Variants in PIK3C2G observed in about 807,000 individuals in gnomAD.
PIK3C2G encodes phosphatidylinositol 3-kinase C2 domain-containing subunit gamma.
PIK3C2G carries 168 observed loss-of-function variants against 181.1 expected under a neutral mutation model. The ratio of observed to expected loss-of-function variants is 0.93; its 90% CI spans 0.82 to 1.05. The LOEUF is 1.05. Among genes scored for constraint, PIK3C2G ranks in the 50% least tolerant of loss-of-function variants. The pLI is 0.00. For missense variants in PIK3C2G, 1,869 were observed against 1,732.8 expected (o/e 1.08, Z -1.40); for synonymous variants, 573 against 592.2 (o/e 0.97, Z 0.47).
chr12:18,350,153 T>G (rs902938447), intron 11 of PIK3C2G, among the ~76,000 whole-genome samples: 2 of 152,128 alleles, frequency 1.3e-5, no homozygotes, highest in Non-Finnish European at 2.9e-5. Context: ...AGGGCCAGCA[T>G]CAGTGAAAGT....
rs1944136297 is a variant in PIK3C2G at position 18,399,757 on chromosome 12, G to A, written c.2225G>A (p.Trp742Ter). The stretch of plus-strand genomic sequence containing the variant: ...TTAGTCCTGGGTAGTGCCCCTGGAT[G>A]GGATGAAAGGACTGTTTCAGAAATG... ...LPLVLGSAPG[W>*]DERTVSEMHT... Residue 742 changes from tryptophan to a stop codon, truncating the protein, a stop_gained, in exon 16 of 33, where the codon TGG (tryptophan) becomes TAG (stop). Transcript: ENST00000538779. LOFTEE classifies it high-confidence loss of function. 6.2e-7 allele frequency: 1 copy of A among 1,606,082 alleles called. No individual in the cohort carries two copies. The highest frequency in any genetic ancestry group is 8.5e-7 in the Non-Finnish European group (1 of 1,174,242).
At chr12:18,265,954 C>T (rs1331143657) in intron 1 of PIK3C2G, among the ~76,000 whole-genome samples, 1 of 132,138 alleles carries the variant, frequency 7.6e-6, no homozygotes, top group Non-Finnish European at 1.5e-5. Context: ...GCAGAGGTTG[C>T]AGTGAGCCGA....
At chr12:18,505,259 T>G in intron 23 of PIK3C2G, 33 bp from the exon 24 acceptor site, 1 of 1,540,260 alleles carries the variant, frequency 6.5e-7, no homozygotes, top group Non-Finnish European at 8.8e-7. Flanking sequence ...TTTTTTGTTG[T>G]TATTTTTGCA....
intron 14 of PIK3C2G, among the ~76,000 whole-genome samples, chr12:18,387,675 C>T (rs192461899): frequency 4.6e-5 from 7 of 152,130 alleles, no homozygotes; most frequent in African/African-American, 1.7e-4. Flanking sequence ...TCTATGTTCA[C>T]GTAATACCCA....
chr12:18,684,286 T>C, the PIK3C2G span: 4 of 1,596,518 alleles, frequency 2.5e-6, no homozygotes, highest in Non-Finnish European at 2.6e-6. Flanking sequence ...AAAGCTGAAA[T>C]ATAAAAAAAG....
rs61315448 is a variant in PIK3C2G, at chr12:18,266,013, T to TAAAAAA, written c.-79+4459_-79+4464dup. On this transcript the variant is annotated intron_variant, in intron 1 of 32. Coordinates refer to ENST00000538779, the MANE Select transcript of PIK3C2G (RefSeq NM_001288772.2). ...TGGGGAACAAGAGCGAGACTTCATC[T>TAAAAAA]AAAAAAAAAAAAAAAAAAAAAAAAA... 2.0e-3 allele frequency among the ~76,000 whole-genome samples: 125 copies of TAAAAAA among 61,752 alleles called. 3 individuals are homozygous for TAAAAAA. Among genetic ancestry groups the TAAAAAA allele is most frequent in the Non-Finnish European group, 2.9e-3 (104 of 35,994 alleles). The allele number at this position is 61,752 out of a possible 152,430, so 40.5% of individuals were successfully genotyped here.
chr12:18,348,127 C>T lies in PIK3C2G; in HGVS notation c.1625+1291C>T, dbSNP rs933941219. On this transcript the variant is annotated intron_variant, in intron 11 of 32. Coordinates refer to ENST00000538779, the MANE Select transcript of PIK3C2G (RefSeq NM_001288772.2). ...AATTCCCATGGAAAATCCCTATAGC[C>T]GGATAAATACAGATAAAGCTATATG... Among the ~76,000 whole-genome samples, 16 of 151,414 alleles carry T rather than the reference C, an allele frequency of 1.1e-4. No individual in the cohort carries two copies. In the East Asian group the frequency reaches 1.6e-3, roughly 15 times the overall value.
chr12:18,312,201 C>A (rs1441286280), intron 5 of PIK3C2G, among the ~76,000 whole-genome samples: 2 of 152,132 alleles, frequency 1.3e-5, no homozygotes, highest in East Asian at 1.9e-4. Context: ...ATCCTCCGAT[C>A]CAATCAAGTT....
intron 31 of PIK3C2G, among the ~76,000 whole-genome samples, chr12:18,625,377 G>A (rs35801168): frequency 0.18 from 27,454 of 151,510 alleles, 2,722 homozygotes; most frequent in African/African-American, 0.27. Flanking sequence ...ATTGTGGTTA[G>A]AAAAGGTACT....
At chr12:18,629,977 A>G (rs1949278506) in intron 31 of PIK3C2G, among the ~76,000 whole-genome samples, 1 of 152,192 alleles carries the variant, frequency 6.6e-6, no homozygotes, top group Non-Finnish European at 1.5e-5. Flanking sequence ...AGAGCTAAAT[A>G]TTATTAATAC....
chr12:18,571,370 A>G (rs971778138), intron 29 of PIK3C2G, among the ~76,000 whole-genome samples: 4 of 150,680 alleles, frequency 2.7e-5, no homozygotes, highest in African/African-American at 9.9e-5. Context: ...TGTGAGATGC[A>G]GTGTTCTACA....
At chr12:18,331,871 T>C (rs1456048050) in intron 8 of PIK3C2G, among the ~76,000 whole-genome samples, 1 of 152,154 alleles carries the variant, frequency 6.6e-6, no homozygotes. Context: ...GCTTATTTCT[T>C]GAATGGATTA....
chr12:18,492,937 T>C (rs1463845143), intron 20 of PIK3C2G: 2 of 152,350 alleles, frequency 1.3e-5, no homozygotes, highest in African/African-American at 4.8e-5. Flanking sequence ...AGAACCACTG[T>C]CTGGTTCCAT....
intron 16 of PIK3C2G, among the ~76,000 whole-genome samples, chr12:18,407,299 T>G (rs2135598179): frequency 6.6e-6 from 1 of 152,126 alleles, no homozygotes; most frequent in South Asian, 2.1e-4. Context: ...TGATAAAGAG[T>G]TAGCATCTTA....
At chr12:18,723,370 G>C in the PIK3C2G span, 1 of 1,612,792 alleles carries the variant, frequency 6.2e-7, no homozygotes, top group African/African-American at 1.3e-5. Flanking sequence ...ACTCATCTCA[G>C]CTGCATATTG....
chr12:18,300,814 T>C (rs894554971), intron 5 of PIK3C2G, among the ~76,000 whole-genome samples: 1 of 152,128 alleles, frequency 6.6e-6, no homozygotes, highest in Non-Finnish European at 1.5e-5. Flanking sequence ...TTCATGTGCT[T>C]TCATGATGAT....
At chr12:18,486,035 G>T (rs1054497662) in intron 18 of PIK3C2G, among the ~76,000 whole-genome samples, 2 of 152,122 alleles carry the variant, frequency 1.3e-5, no homozygotes, top group Non-Finnish European at 2.9e-5. Flanking sequence ...AAGTTAAGGG[G>T]CATGTTAATT....
chr12:18,253,202 A>C (rs1436382414), intron 1 of PIK3C2G, among the ~76,000 whole-genome samples: 2 of 152,338 alleles, frequency 1.3e-5, no homozygotes, highest in East Asian at 3.9e-4. Context: ...AGGAAAATTT[A>C]TCTCCTTGTT....
At chr12:18,719,351 A>G in the PIK3C2G span, 1 of 748,994 alleles carries the variant, frequency 1.3e-6, no homozygotes, top group African/African-American at 1.8e-5. Flanking sequence ...TTTATTGTGC[A>G]CTCTTGCCTA....
Sources: gnomAD v4.1 joint callset for allele counts (sites outside exome capture counted in the v4.1 genomes callset) on GRCh38, gnomAD v4.1.1 for gene constraint, MANE v1.5 for transcripts, NCBI Gene and HGNC (gene_info 2026-07-23, HGNC 2026-07-21) for gene names.